GLT1D1: variants seen among roughly 807,000 people sequenced by gnomAD.
GLT1D1 encodes glycosyltransferase 1 domain-containing protein 1.
Under a neutral mutation model 28.7 loss-of-function variants are expected in GLT1D1, and 21 were observed. The ratio of observed to expected loss-of-function variants is 0.73; its 90% confidence interval spans 0.52 to 1.05. GLT1D1 has a LOEUF of 1.05. Among genes scored for constraint, GLT1D1 ranks in the 50% least tolerant of loss-of-function variants. The pLI is 0.00. For missense variants in GLT1D1, 343 were observed against 330.6 expected (o/e 1.04, Z -0.29); for synonymous variants, 147 against 124.8 (o/e 1.18, Z -1.19).
chr12:128,944,811 T>G (rs949806488), intron 4 of GLT1D1: 4 of 243,028 alleles, frequency 1.6e-5, no homozygotes, highest in African/African-American at 9.2e-5. Context: ...TATATGTATA[T>G]ATATATATAA....
intron 5 of GLT1D1, among the ~76,000 whole-genome samples, chr12:128,946,874 T>C (rs1876173249): frequency 6.6e-6 from 1 of 151,370 alleles, no homozygotes; most frequent in African/African-American, 2.4e-5. Flanking sequence ...GTCTCCAACT[T>C]CTGATCTCAG....
chr12:128,937,510 A>C (rs1874690816), intron 4 of GLT1D1, among the ~76,000 whole-genome samples: 1 of 152,136 alleles, frequency 6.6e-6, no homozygotes, highest in Non-Finnish European at 1.5e-5. Context: ...AAAGTGTCTC[A>C]GAGAGGGGGC....
chr12:128,869,334 T>C (rs570140416), intron 1 of GLT1D1, among the ~76,000 whole-genome samples: 5 of 152,216 alleles, frequency 3.3e-5, no homozygotes, highest in African/African-American at 1.2e-4. Flanking sequence ...CACGCCTGGC[T>C]ACTTTTTGTA....
chr12:128,869,963 G>C (rs73153409), intron 1 of GLT1D1, among the ~76,000 whole-genome samples: 2,544 of 143,290 alleles, frequency 0.018, 44 homozygotes, highest in Non-Finnish European at 0.028. Flanking sequence ...TTTTGAGGCA[G>C]AGTCTTGCTC....
At chr12:128,896,324 CTT>C (rs1869619691) in intron 3 of GLT1D1, among the ~76,000 whole-genome samples, 1 of 151,902 alleles carries the variant, frequency 6.6e-6, no homozygotes, top group Admixed American at 6.6e-5. Flanking sequence ...TAAGTCCTGA[CTT>C]TATAAAATAT....
At chr12:128,905,135 G>T (rs1043686964) in intron 4 of GLT1D1, among the ~76,000 whole-genome samples, 3 of 152,148 alleles carry the variant, frequency 2.0e-5, no homozygotes, top group Admixed American at 1.3e-4. Flanking sequence ...AGAAGCTAAG[G>T]GTGCAGGTCA....
chr12:128,982,995 G>T lies in GLT1D1; in HGVS notation c.706G>T (p.Gly236Ter), dbSNP rs370400269. The change falls in exon 8 of 8, where the codon GGA (glycine) becomes TGA (stop). Residue 236 changes from glycine (G) to a stop codon, truncating the protein, a stop_gained. Transcript: ENST00000281703. LOFTEE classifies it low-confidence loss of function (END_TRUNC). ...ATTAGAAAAGGAAATCGTAGTGAAC[G>T]GAAGGGAATACGTGAGAATGTATCA... 1 of 1,613,664 alleles carries T rather than the reference G, an allele frequency of 6.2e-7. No individual in the cohort carries two copies. Among genetic ancestry groups the T allele is most frequent in the African/African-American group, 1.3e-5 (1 of 74,888 alleles).
At chr12:128,893,663 G>A (rs1239280029) in intron 3 of GLT1D1, among the ~76,000 whole-genome samples, 1 of 152,062 alleles carries the variant, frequency 6.6e-6, no homozygotes, top group Non-Finnish European at 1.5e-5. Flanking sequence ...TGAGCTCACT[G>A]CAACTTCCAC....
chr12:128,933,387 T>C (rs186053434), intron 4 of GLT1D1, among the ~76,000 whole-genome samples: 18 of 152,390 alleles, frequency 1.2e-4, no homozygotes, highest in African/African-American at 4.3e-4. Context: ...ACAATACGCT[T>C]TCTTTTACTT....
intron 4 of GLT1D1, among the ~76,000 whole-genome samples, 190 bp from the exon 7 acceptor site, chr12:128,926,169 G>A (rs1018501375): frequency 1.3e-5 from 2 of 149,492 alleles, no homozygotes; most frequent in African/African-American, 4.9e-5. Flanking sequence ...CACTCAGCCT[G>A]GACAACAGAG....
At chr12:128,881,549 AAAAAAAAAAAAAATATATATAT>A (rs1185226985) in intron 2 of GLT1D1, among the ~76,000 whole-genome samples, 8 of 75,742 alleles carry the variant, frequency 1.1e-4, no homozygotes, top group Admixed American at 1.8e-4. Context: ...AAAAAAAAAA[AAAAAAAAAAAAAATATATATAT>A]ATATATATAT....
In GLT1D1 at chr12:128,983,306, C is replaced by T. The variant is rs1352946916; in HGVS notation, c.*216C>T. On this transcript the variant is annotated 3_prime_UTR_variant, in exon 8 of 8. Transcript: ENST00000281703. The surrounding 1 kb of genome is among the most constrained non-coding windows in gnomAD (Gnocchi z 4.7). ...GTCCCAGGCGTGTTCACCAGCCAGT[C>T]CTGATGGAGGTGCATGAGTGACTGG... The T allele has an allele frequency of 3.8e-6, 2 of 530,304 alleles. No individual in the cohort carries two copies. Among genetic ancestry groups the T allele is most frequent in the East Asian group, 3.0e-5 (1 of 33,254 alleles). The allele number at this position is 530,304 out of a possible 1,614,324, so 32.8% of individuals were successfully genotyped here. A position where few individuals can be genotyped will look rare whatever the true frequency, so the allele number is the denominator to read the frequency against.
intron 4 of GLT1D1, among the ~76,000 whole-genome samples, chr12:128,937,197 G>T (rs533426856): frequency 6.6e-6 from 1 of 152,304 alleles, no homozygotes; most frequent in African/African-American, 2.4e-5. Flanking sequence ...CCCAAAAAAG[G>T]CTTTCATTGG....
rs147659192 is a variant in GLT1D1 at position 128,885,403 on chromosome 12, A to G, written c.218-3236A>G. Among the ~76,000 whole-genome samples, 935 of 151,930 alleles carry G rather than the reference A, an allele frequency of 6.2e-3. 8 individuals carry two copies. Among genetic ancestry groups the G allele is most frequent in the African/African-American group, 0.021 (881 of 41,444 alleles). On this transcript the variant is annotated intron_variant, in intron 2 of 7. Transcript: ENST00000281703. ...ACACCCAGCTAATTTTTGTATTTTT[A>G]GTAGAGATGGGGTTTCACCATGTTA...
intron 7 of GLT1D1, among the ~76,000 whole-genome samples, chr12:128,968,086 T>A (rs1226351898): frequency 6.6e-6 from 1 of 152,042 alleles, no homozygotes; most frequent in African/African-American, 2.4e-5. Flanking sequence ...AAGCTCCGCC[T>A]CCCGGTTCAC....
At chr12:128,900,435 C>A (rs1242238029) in intron 4 of GLT1D1, among the ~76,000 whole-genome samples, 1 of 152,200 alleles carries the variant, frequency 6.6e-6, no homozygotes, top group East Asian at 1.9e-4. Context: ...TCTGTGGTCT[C>A]TTCCGAAAGC....
At chr12:128,867,526 A>G (rs751900347) in intron 1 of GLT1D1, among the ~76,000 whole-genome samples, 4 of 151,926 alleles carry the variant, frequency 2.6e-5, no homozygotes, top group Non-Finnish European at 5.9e-5. Context: ...GGTGCTGGGC[A>G]TACAGCAGGT....
chr12:128,976,028 G>T (rs187586950), intron 7 of GLT1D1, among the ~76,000 whole-genome samples: 28 of 152,316 alleles, frequency 1.8e-4, no homozygotes, highest in African/African-American at 6.3e-4. Flanking sequence ...AGCGGCGACA[G>T]TTTGACAGTT....
chr12:128,945,181 C>G (rs758219540), intron 4 of GLT1D1, 145 bp from the exon 9 acceptor site: 5 of 819,724 alleles, frequency 6.1e-6, no homozygotes, highest in South Asian at 4.2e-5. Context: ...GATCACCACA[C>G]GCAGCAGCCG....
Sources: allele counts gnomAD v4.1 joint callset (sites outside exome capture counted in the v4.1 genomes callset), GRCh38; gene constraint gnomAD v4.1.1; non-coding constraint Gnocchi (gnomAD v3.1); transcripts MANE v1.5; gene names NCBI Gene and HGNC (gene_info 2026-07-23, HGNC 2026-07-21).